Variants in KCTD19 observed in about 807,000 individuals in gnomAD.
KCTD19 encodes BTB/POZ domain-containing protein KCTD19.
In KCTD19, 67 loss-of-function variants were observed where a neutral mutation model predicts 103.5. The observed-to-expected ratio is 0.65, with a 90% CI of 0.53 to 0.79. KCTD19 has a LOEUF of 0.79. KCTD19 is among the 30% of genes least tolerant of loss of function. KCTD19 has a pLI of 0.00. For missense variants in KCTD19, 980 were observed against 1,136.1 expected (o/e 0.86, Z 1.98); for synonymous variants, 439 against 452.2 (o/e 0.97, Z 0.37).
chr16:67,325,477 C>T (rs1457140857), intron 1 of KCTD19, among the ~76,000 whole-genome samples: 1 of 151,740 alleles, frequency 6.6e-6, no homozygotes, highest in East Asian at 1.9e-4. Context: ...CTCCTGACCT[C>T]GTGATCCACA....
In KCTD19 at chr16:67,291,755, G is replaced by C. The variant is rs201413788; in HGVS notation, c.2301C>G (p.Pro767=). 5.0e-6 allele frequency: 8 copies of C among 1,612,956 alleles called. No homozygotes were observed. In the East Asian group the frequency reaches 1.6e-4, roughly 31 times the overall value. The part of the protein sequence containing the change: ...LGVILKVTHP[P]VVGSDGFCMF... ...TGCAGAAGCCATCGCTGCCCACCACGGGGGGGTGAGTCACTTTGAGGATAA... is the reference window on the plus strand; with the variant it reads ...TGCAGAAGCCATCGCTGCCCACCACCGGGGGGTGAGTCACTTTGAGGATAA... Residue 767 remains proline (P), a synonymous_variant, in exon 13 of 16, where the codon CCC becomes CCG. Coordinates refer to ENST00000304372, the MANE Select transcript of KCTD19 (RefSeq NM_001100915.3).
At chr16:67,316,503 A>C (rs2037014812) in intron 2 of KCTD19, among the ~76,000 whole-genome samples, 1 of 152,246 alleles carries the variant, frequency 6.6e-6, no homozygotes, top group African/African-American at 2.4e-5. Context: ...CAGTAAAACA[A>C]TGATATGCTG....
At chr16:67,326,563 A>G in intron 1 of KCTD19, 142 bp downstream of exon 1, 12 of 1,135,548 alleles carry the variant, frequency 1.1e-5, no homozygotes, top group East Asian at 3.1e-5. Context: ...CAGCCCCCCA[A>G]ATCCTTCCCG....
intron 7 of KCTD19, among the ~76,000 whole-genome samples, chr16:67,296,932 C>T (rs1274605502): frequency 1.3e-5 from 2 of 152,154 alleles, no homozygotes; most frequent in African/African-American, 4.8e-5. Context: ...ACTTCTGTGC[C>T]GCCAGTGTCT....
At chr16:67,294,725 G>T in intron 10 of KCTD19, 31 bp from the exon 11 acceptor site, 2 of 1,480,488 alleles carry the variant, frequency 1.4e-6, no homozygotes, top group Non-Finnish European at 9.5e-7. Flanking sequence ...TGGTTAGTGA[G>T]TAGAGACTTC....
chr16:67,289,814 C>T (rs1204653922), intron 15 of KCTD19, 132 bp from the exon 16 acceptor site: 1 of 606,560 alleles, frequency 1.6e-6, no homozygotes, highest in African/African-American at 1.9e-5. Context: ...TGCTCTAGGG[C>T]CCAGCTCTGC....
At chr16:67,304,663 C>A in intron 2 of KCTD19, 92 bp from the exon 3 acceptor site, 1 of 1,158,742 alleles carries the variant, frequency 8.6e-7, no homozygotes, top group Non-Finnish European at 1.2e-6. Flanking sequence ...CAGTATGTGA[C>A]TTACTTTTTT....
In KCTD19 at chr16:67,303,995, T is replaced by C. The variant is rs1408798130; in HGVS notation, c.451+426A>G. On this transcript the variant is annotated intron_variant, in intron 3 of 15. Coordinates refer to ENST00000304372, the MANE Select transcript of KCTD19 (RefSeq NM_001100915.3). The surrounding 1 kb of genome is among the most constrained non-coding windows in gnomAD (Gnocchi z 4.3). The stretch of plus-strand genomic sequence containing the variant: ...GATCCACAGACAAAATAGATGCTTT[T>C]GACACTCCTGGAAGCTAAAATCCAT... Among the ~76,000 whole-genome samples, 1 of 152,216 alleles carries C rather than the reference T, an allele frequency of 6.6e-6. No homozygotes were observed. The highest frequency in any genetic ancestry group is 2.4e-5 in the African/African-American group (1 of 41,462).
At chr16:67,302,261 C>G (rs1259852694) in intron 4 of KCTD19, 2 of 246,720 alleles carry the variant, frequency 8.1e-6, no homozygotes, top group African/African-American at 4.5e-5. Context: ...AGGGAGTTGT[C>G]TTGCTGCTTA....
At position 67,323,267 on chromosome 16, in the gene KCTD19, A is replaced by G. The variant is rs1164838062; in HGVS notation, c.4-2382T>C. Among the ~76,000 whole-genome samples, 4 of 152,260 alleles carry G rather than the reference A, an allele frequency of 2.6e-5. No individual in the cohort carries two copies. The highest frequency in any genetic ancestry group is 9.6e-5 in the African/African-American group (4 of 41,470). On this transcript the variant is annotated intron_variant, in intron 1 of 15. Transcript: ENST00000304372. This position sits in a 1 kb window ranked among gnomAD's most constrained non-coding sequence, Gnocchi z 4.1. ...ATTTCTAGACTAATGTTCATAGAAC[A>G]TAATAGCCAAAAGGTTGGAATAAAC...
At position 67,303,108 on chromosome 16, in the gene KCTD19, C is replaced by CTGGGGGGGGGGGGCGG; in HGVS notation, c.643+37_643+38insCCGCCCCCCCCCCCCA. ...ATGGGGAGGGGTGAATGGGCCCTAT[C>CTGGGGGGGGGGGGCGG]AGCCCGCCCCCCACCCCACCCCGGA... On this transcript the variant is annotated intron_variant, in intron 4 of 15. Transcript: ENST00000304372. This position sits in a 1 kb window ranked among gnomAD's most constrained non-coding sequence, Gnocchi z 4.3. The CTGGGGGGGGGGGGCGG allele has an allele frequency of 1.3e-6, 1 of 798,078 alleles. No homozygotes were observed. The highest frequency in any genetic ancestry group is 2.8e-5 in the East Asian group (1 of 36,056). The allele number at this position is 798,078 out of a possible 1,614,324, so 49.4% of individuals were successfully genotyped here.
intron 1 of KCTD19, 87 bp downstream of exon 1, chr16:67,326,618 G>A: frequency 6.6e-7 from 1 of 1,524,434 alleles, no homozygotes. Context: ...GCCAGGTCTC[G>A]AACCACTTAG....
intron 2 of KCTD19, among the ~76,000 whole-genome samples, chr16:67,313,769 G>C (rs1043199995): frequency 7.9e-5 from 12 of 151,964 alleles, no homozygotes; most frequent in African/African-American, 2.7e-4. Context: ...TGTATTTTTA[G>C]TAGAGATGGG....
chr16:67,291,807 T>G lies in KCTD19; in HGVS notation c.2249A>C (p.Glu750Ala), dbSNP rs1355833954. Residue 750 changes from glutamate (E) to alanine (A), a missense_variant, in exon 13 of 16, where the codon GAG (glutamate) becomes GCG (alanine). Glu to Ala is a moderately radical substitution (Grantham distance 107). Transcript: ENST00000304372. ...CCCTAGGCTGTCCACCTCACTGGCCTCGGGCAGAGGCTGCTCAGGGGCAGG... is the reference window on the plus strand; with the variant it reads ...CCCTAGGCTGTCCACCTCACTGGCCGCGGGCAGAGGCTGCTCAGGGGCAGG... ...ESPAPEQPLP[E>A]ASEVDSLGVI... The G allele has an allele frequency of 6.2e-7, 1 of 1,612,300 alleles. No homozygotes were observed. Among genetic ancestry groups the G allele is most frequent in the Non-Finnish European group, 8.5e-7 (1 of 1,179,006 alleles).
In KCTD19 at chr16:67,289,473, G is replaced by A; in HGVS notation, c.*96C>T. The A allele has an allele frequency of 1.4e-6, 1 of 711,902 alleles. No homozygotes were observed. Among genetic ancestry groups the A allele is most frequent in the Non-Finnish European group, 2.5e-6 (1 of 394,538 alleles). The allele number at this position is 711,902 out of a possible 1,614,324, so 44.1% of individuals were successfully genotyped here. ...ATTTGTTTATAATAAAAAATAGACT[G>A]ATATGTACCCTCTGATGGGCACATG... is the stretch of plus-strand genomic sequence containing the variant. On this transcript the variant is annotated 3_prime_UTR_variant, in exon 16 of 16. Coordinates refer to ENST00000304372, the MANE Select transcript of KCTD19 (RefSeq NM_001100915.3).
Position 67,301,781 on chromosome 16 carries a change from G to T in KCTD19, c.775+10C>A. 5 of 1,613,332 alleles carry T rather than the reference G, an allele frequency of 3.1e-6. No individual in the cohort carries two copies. The highest frequency in any genetic ancestry group is 4.2e-6 in the Non-Finnish European group (5 of 1,179,526). The stretch of plus-strand genomic sequence containing the variant: ...TGTCGAGGGGGAGCCAAGGTTTCCT[G>T]GCGACATACCCATGTTCATCCGGTA... On this transcript the variant is annotated intron_variant, in intron 5 of 15. Transcript: ENST00000304372.
In KCTD19 at chr16:67,291,719, C is replaced by G; in HGVS notation, c.2337G>C (p.Glu779Asp). The G allele has an allele frequency of 6.2e-7, 1 of 1,614,092 alleles. No individual in the cohort carries two copies. The highest frequency in any genetic ancestry group is 8.5e-7 in the Non-Finnish European group (1 of 1,179,996). Residue 779 changes from glutamate (E) to aspartate (D), a missense_variant, in exon 13 of 16, where the codon GAG (glutamate) becomes GAC (aspartate). Transcript: ENST00000304372. ...VGSDGFCMFF[E>D]DSIIYTTEMD... ...TCTCCGTGGTATAGATGATGCTGTC[C>G]TCAAAGAACATGCAGAAGCCATCGC... is the stretch of plus-strand genomic sequence containing the variant.
At chr16:67,291,882 T>A (rs570829896) in intron 12 of KCTD19, 45 bp from the exon 13 acceptor site, 273 of 1,391,540 alleles carry the variant, frequency 2.0e-4, no homozygotes, top group Middle Eastern at 8.6e-4. Context: ...TAAAAAAAAA[T>A]TTTTTTTCAA....
rs988146334 is a variant in KCTD19 at position 67,320,760 on chromosome 16, A to T, written c.129T>A (p.Ala43=). 1 of 1,614,082 alleles carries T rather than the reference A, an allele frequency of 6.2e-7. No homozygotes were observed. Among genetic ancestry groups the T allele is most frequent in the African/African-American group, 1.3e-5 (1 of 74,936 alleles). ...GGCTTTCTGAAGAGGTCAAGGCTGA[A>T]GCCTCTTTCCACAGCAGGGAGTCTG... The part of the protein sequence containing the change: ...QFPDSLLWKE[A]SALTSSESQR... Residue 43 remains alanine (A), a synonymous_variant, in exon 2 of 16, where the codon GCT becomes GCA. Coordinates refer to ENST00000304372, the MANE Select transcript of KCTD19 (RefSeq NM_001100915.3). This position sits in a 1 kb window ranked among gnomAD's most constrained non-coding sequence, Gnocchi z 4.0.
Sources: gnomAD v4.1 joint callset for allele counts (sites outside exome capture counted in the v4.1 genomes callset) on GRCh38, gnomAD v4.1.1 for gene constraint, Gnocchi (gnomAD v3.1) non-coding constraint, MANE v1.5 for transcripts, NCBI Gene and HGNC (gene_info 2026-07-23, HGNC 2026-07-21) for gene names.